LRRIQ3: variants seen among roughly 807,000 people sequenced by gnomAD.
LRRIQ3 encodes leucine-rich repeat and IQ domain-containing protein 3.
A neutral mutation model predicts 59.3 loss-of-function variants in LRRIQ3; 75 were observed. That is an observed-to-expected ratio of 1.26 (90% CI 1.05 to 1.53). The LOEUF (loss-of-function observed/expected upper bound fraction) is 1.53, where lower values mean the gene tolerates loss of function less well. LRRIQ3 is among the 40% of genes most tolerant of loss of function. LRRIQ3 has a pLI of 0.00. For missense variants in LRRIQ3, 831 were observed against 710.0 expected (o/e 1.17, Z -1.94); for synonymous variants, 250 against 231.3 (o/e 1.08, Z -0.73).
chr1:74,160,934 T>C (rs921151231), intron 3 of LRRIQ3, among the ~76,000 whole-genome samples: 3 of 152,116 alleles, frequency 2.0e-5, no homozygotes, highest in African/African-American at 7.2e-5. Context: ...AAGAATAGCT[T>C]AAAGTCAGGC....
At chr1:74,181,181 G>A (rs546685184) in intron 3 of LRRIQ3, 1 of 168,948 alleles carries the variant, frequency 5.9e-6, no homozygotes, top group East Asian at 1.7e-4. Flanking sequence ...CCTCTACACT[G>A]TGTTCTTTCT....
intron 4 of LRRIQ3, among the ~76,000 whole-genome samples, chr1:74,137,291 C>T (rs1647139367): frequency 1.3e-5 from 2 of 151,842 alleles, no homozygotes; most frequent in African/African-American, 4.8e-5. Context: ...TAGATATGAA[C>T]AGACACTTCT....
At chr1:74,042,803 T>C (rs1384195569) in intron 6 of LRRIQ3, among the ~76,000 whole-genome samples, 1 of 152,108 alleles carries the variant, frequency 6.6e-6, no homozygotes, top group Non-Finnish European at 1.5e-5. Context: ...GCTAAGTCCT[T>C]TTTAATAGAG....
chr1:74,168,890 T>C (rs1286569479), intron 3 of LRRIQ3, among the ~76,000 whole-genome samples: 2 of 152,160 alleles, frequency 1.3e-5, no homozygotes, highest in South Asian at 2.1e-4. Context: ...TTTGGTTGTC[T>C]TGTGTCATTT....
intron 4 of LRRIQ3, among the ~76,000 whole-genome samples, chr1:74,131,516 G>C (rs939404801): frequency 2.0e-5 from 3 of 152,116 alleles, no homozygotes; most frequent in Non-Finnish European, 4.4e-5. Flanking sequence ...ACATCAAAAA[G>C]CTTATCCACC....
chr1:74,152,937 C>T (rs1256927276), intron 4 of LRRIQ3, among the ~76,000 whole-genome samples: 1 of 152,074 alleles, frequency 6.6e-6, no homozygotes, highest in African/African-American at 2.4e-5. Context: ...ATTAGCCTCC[C>T]CACCAAGTTT....
intron 5 of LRRIQ3, among the ~76,000 whole-genome samples, chr1:74,102,377 A>C (rs528697957): frequency 3.3e-5 from 5 of 152,134 alleles, no homozygotes; most frequent in African/African-American, 7.2e-5. Flanking sequence ...AAAAATGCCC[A>C]ATGAAACTAA....
At chr1:74,069,888 T>A (rs1033802111) in intron 6 of LRRIQ3, among the ~76,000 whole-genome samples, 4 of 152,084 alleles carry the variant, frequency 2.6e-5, no homozygotes, top group Non-Finnish European at 4.4e-5. Context: ...GTAGTATCAC[T>A]AATCATTAAA....
At chr1:74,188,850 G>T (rs1650575238) in intron 1 of LRRIQ3, among the ~76,000 whole-genome samples, 1 of 152,070 alleles carries the variant, frequency 6.6e-6, no homozygotes, top group South Asian at 2.1e-4. Flanking sequence ...TCCCATTTCG[G>T]TAGAAATCTA....
chr1:74,139,038 C>T (rs186929715), intron 4 of LRRIQ3, among the ~76,000 whole-genome samples: 147 of 149,488 alleles, frequency 9.8e-4, no homozygotes, highest in African/African-American at 3.5e-3. Flanking sequence ...AACACAAACA[C>T]AAAAAATGTA....
intron 6 of LRRIQ3, among the ~76,000 whole-genome samples, chr1:74,051,983 T>G (rs10493531): frequency 0.33 from 50,089 of 151,970 alleles, 9,918 homozygotes; most frequent in East Asian, 0.77. Context: ...GGTCAAACTT[T>G]CTACAGGTTC....
intron 4 of LRRIQ3, among the ~76,000 whole-genome samples, chr1:74,115,941 C>T (rs375074651): frequency 1.1e-4 from 16 of 151,836 alleles, no homozygotes; most frequent in South Asian, 2.1e-4. Flanking sequence ...AAATATTAAA[C>T]GCTTAAAATG....
intron 1 of LRRIQ3, among the ~76,000 whole-genome samples, chr1:74,190,377 C>A (rs1650682333): frequency 6.6e-6 from 1 of 151,236 alleles, no homozygotes; most frequent in Admixed American, 6.6e-5. Context: ...ATGAAGAATA[C>A]CTTTGAAGGG....
Position 74,182,787 on chromosome 1 carries a change from C to G in LRRIQ3, c.324G>C (p.Gly108=). The change falls in exon 3 of 8, where the codon GGG becomes GGC. Residue 108 remains glycine, a synonymous_variant. Transcript: ENST00000354431. ...CACATATATTCTTTAACTTTGCAAA[C>G]CCATTGTCATGAAGATAGAGTAGTT... ...NLKLLYLHDN[G]FAKLKNICVL... is the part of the protein sequence containing the mutation. 6.2e-7 allele frequency: 1 copy of G among 1,609,650 alleles called. No homozygotes were observed. The highest frequency in any genetic ancestry group is 8.5e-7 in the Non-Finnish European group (1 of 1,177,418).
At chr1:74,155,534 A>G (rs1648265541) in intron 4 of LRRIQ3, 199 bp downstream of exon 4, 1 of 353,242 alleles carries the variant, frequency 2.8e-6, no homozygotes, top group Admixed American at 4.9e-5. Context: ...AAGAAAAAAT[A>G]AAATATCAAA....
intron 4 of LRRIQ3, among the ~76,000 whole-genome samples, chr1:74,148,985 G>A (rs183016538): frequency 2.0e-5 from 3 of 152,086 alleles, no homozygotes; most frequent in Admixed American, 6.5e-5. Context: ...TCTTTTAGTC[G>A]GTTAATATAA....
intron 6 of LRRIQ3, among the ~76,000 whole-genome samples, chr1:74,057,042 C>T (rs552401864): frequency 6.6e-6 from 1 of 152,250 alleles, no homozygotes; most frequent in Non-Finnish European, 1.5e-5. Flanking sequence ...TTCCTGGGGC[C>T]TCCCCAGCCA....
In LRRIQ3 at chr1:74,035,015, T is replaced by G. The variant is rs1653827447; in HGVS notation, c.1718+6198A>C. On this transcript the variant is annotated intron_variant, in intron 7 of 7. Coordinates refer to ENST00000354431, the MANE Select transcript of LRRIQ3 (RefSeq NM_001105659.2). The stretch of plus-strand genomic sequence containing the variant: ...TCAGAGAAAAAATGTGTGAAAGACT[T>G]TGAAAGGGTAAAATAAAATTACTAG... Among the ~76,000 whole-genome samples, 3 of 152,000 alleles carry G rather than the reference T, an allele frequency of 2.0e-5. No individual in the cohort carries two copies. The South Asian group carries it at 6.2e-4, about 31-fold the overall frequency.
chr1:74,183,341 C>A, intron 2 of LRRIQ3, 95 bp downstream of exon 2: 2 of 1,071,864 alleles, frequency 1.9e-6, no homozygotes, highest in Non-Finnish European at 2.6e-6. Flanking sequence ...GACAAAAGAC[C>A]ATGTTGAAGA....
Sources: gnomAD v4.1 joint callset for allele counts (sites outside exome capture counted in the v4.1 genomes callset) on GRCh38, gnomAD v4.1.1 for gene constraint, MANE v1.5 for transcripts, NCBI Gene and HGNC (gene_info 2026-07-23, HGNC 2026-07-21) for gene names.